The following PTPRJ variants were observed in gnomAD, a reference collection of about 807,000 sequenced individuals.
PTPRJ encodes the protein protein tyrosine phosphatase receptor type J, also known as receptor-type tyrosine-protein phosphatase eta.
PTPRJ carries 129 observed loss-of-function variants against 141.3 expected under a neutral mutation model. The ratio of observed to expected loss-of-function variants is 0.91; its 90% confidence interval spans 0.79 to 1.06. The LOEUF (loss-of-function observed/expected upper bound fraction) is 1.06. Among genes scored for constraint, PTPRJ ranks in the 50% least tolerant of loss-of-function variants. The pLI, the probability that PTPRJ is intolerant of heterozygous loss-of-function variation, is 0.00. For synonymous variants in PTPRJ, 610 were observed against 640.5 expected, an observed-to-expected ratio of 0.95 and a Z score of 0.72; for missense variants, 1,601 against 1,679.7, an observed-to-expected ratio of 0.95 and a Z score of 0.82.
chr11:48,167,129 T>C, intron 24 of PTPRJ, 75 bp from the exon 25 acceptor site: 2 of 1,440,630 alleles, frequency 1.4e-6, no homozygotes, highest in Non-Finnish European at 1.9e-6. Context: ...GAATGACCTG[T>C]TTGAAAATAA....
chr11:48,123,855 A>G lies in PTPRJ; in HGVS notation c.859A>G (p.Thr287Ala). ...SNKTKGDPLG[T>A]EGGLDASNTE... ...TAAGACAAAGGGAGACCCCTTGGGC[A>G]CAGAAGGTGGCTTGGGTGAGTTACA... is the stretch of plus-strand genomic sequence containing the variant. Residue 287 changes from threonine (T) to alanine (A), a missense_variant, in exon 5 of 25, where the codon ACA (threonine) becomes GCA (alanine). Thr to Ala is a moderately conservative substitution (Grantham distance 58). Coordinates refer to ENST00000418331, the MANE Select transcript of PTPRJ (RefSeq NM_002843.4). The G allele has an allele frequency of 6.2e-7, 1 of 1,614,004 alleles. No homozygotes were observed. Among genetic ancestry groups the G allele is most frequent in the Non-Finnish European group, 8.5e-7 (1 of 1,179,898 alleles).
At chr11:47,990,152 C>A (rs951323878) in intron 1 of PTPRJ, among the ~76,000 whole-genome samples, 1 of 152,048 alleles carries the variant, frequency 6.6e-6, no homozygotes, top group African/African-American at 2.4e-5. Context: ...TCTCAAAAAA[C>A]AAACAAACAA....
chr11:48,062,119 T>C (rs1252535676), intron 1 of PTPRJ, among the ~76,000 whole-genome samples: 1 of 151,450 alleles, frequency 6.6e-6, no homozygotes, highest in Non-Finnish European at 1.5e-5. Context: ...GGCTGGTTTC[T>C]AACTCCTGGA....
chr11:48,083,747 A>G (rs781491685), intron 1 of PTPRJ, among the ~76,000 whole-genome samples: 3 of 152,218 alleles, frequency 2.0e-5, no homozygotes, highest in Non-Finnish European at 4.4e-5. Context: ...TACCCAGTAA[A>G]TATTTGTGGA....
At chr11:48,029,909 C>T (rs1450986357) in intron 1 of PTPRJ, among the ~76,000 whole-genome samples, 1 of 152,166 alleles carries the variant, frequency 6.6e-6, no homozygotes, top group Non-Finnish European at 1.5e-5. Context: ...CATGTAGGAA[C>T]CTTAGCTTGC....
chr11:48,030,352 G>C (rs1333215810), intron 1 of PTPRJ, among the ~76,000 whole-genome samples: 1 of 152,172 alleles, frequency 6.6e-6, no homozygotes, highest in African/African-American at 2.4e-5. Context: ...AGGGCTCTTA[G>C]AGGCCCCAGG....
intron 1 of PTPRJ, among the ~76,000 whole-genome samples, chr11:48,011,786 C>G (rs1854797235): frequency 6.6e-6 from 1 of 152,062 alleles, no homozygotes; most frequent in South Asian, 2.1e-4. Flanking sequence ...CTCAGCCTTC[C>G]AAGTATCTGG....
chr11:48,077,956 G>A (rs1855451353), intron 1 of PTPRJ, among the ~76,000 whole-genome samples: 1 of 152,188 alleles, frequency 6.6e-6, no homozygotes, highest in Admixed American at 6.5e-5. Flanking sequence ...ATAAACAGAT[G>A]CTATAGGAAT....
intron 11 of PTPRJ, among the ~76,000 whole-genome samples, chr11:48,142,522 A>G (rs1857255483): frequency 6.6e-6 from 1 of 152,062 alleles, no homozygotes; most frequent in Non-Finnish European, 1.5e-5. Flanking sequence ...TCTTTATTTT[A>G]TCGATGTTTT....
chr11:48,109,542 A>G (rs988907686), intron 1 of PTPRJ, among the ~76,000 whole-genome samples: 6 of 152,160 alleles, frequency 3.9e-5, no homozygotes, highest in Admixed American at 1.3e-4. Flanking sequence ...AAAGAAGAAG[A>G]TGAATTTTTG....
chr11:48,170,123 A>G lies in PTPRJ; in HGVS notation c.*2761A>G, dbSNP rs4752912. 149,555 of 152,264 alleles carry G rather than the reference A, an allele frequency of 0.98. 73,510 individuals carry two copies. The highest frequency in any genetic ancestry group is 1 in the Middle Eastern group (296 of 296). 9.4% of individuals were successfully genotyped at this position (152,264 alleles called of 1,614,324 possible). A position where few individuals can be genotyped will look rare whatever the true frequency, so the allele number is the denominator to read the frequency against. On this transcript the variant is annotated 3_prime_UTR_variant, in exon 25 of 25. Transcript: ENST00000418331. ...GTGGAATCGGGGGGATGGTGTGAGC[A>G]CCCCTGTTCAGTCTTTGACAATTGC... is the stretch of plus-strand genomic sequence containing the variant.
intron 1 of PTPRJ, among the ~76,000 whole-genome samples, chr11:47,994,286 G>C (rs1854273850): frequency 6.6e-6 from 1 of 151,824 alleles, no homozygotes; most frequent in South Asian, 2.1e-4. Flanking sequence ...CTTTTTAAAT[G>C]CATGTTCTGT....
Position 48,071,564 on chromosome 11 carries a change from T to C in PTPRJ, c.97-38494T>C, listed in dbSNP as rs1412782902. On this transcript the variant is annotated intron_variant, in intron 1 of 24. Transcript: ENST00000418331. ...ACCTCGTGATCCTCCCGCCTCGGCC[T>C]CCCAAAGTGCTGGGATTACAGGTGT... Among the ~76,000 whole-genome samples the C allele has an allele frequency of 2.1e-5, 3 of 143,378 alleles. No homozygotes were observed. In the Admixed American group the frequency reaches 2.2e-4, roughly 11 times the overall value. 94.1% of individuals were successfully genotyped at this position (143,378 alleles called of 152,430 possible). A position where few individuals can be genotyped will look rare whatever the true frequency, so the allele number is the denominator to read the frequency against.
chr11:48,061,223 A>G (rs780868550), intron 1 of PTPRJ, among the ~76,000 whole-genome samples: 6 of 151,982 alleles, frequency 3.9e-5, no homozygotes, highest in Non-Finnish European at 5.9e-5. Context: ...TGATCCGCCT[A>G]CCTCGGCCTC....
chr11:48,150,942 T>A (rs1191777670), intron 18 of PTPRJ, among the ~76,000 whole-genome samples: 1 of 152,246 alleles, frequency 6.6e-6, no homozygotes, highest in Non-Finnish European at 1.5e-5. Context: ...TTCTGTGTGC[T>A]CAGACTGCCT....
At position 48,112,899 on chromosome 11, in the gene PTPRJ, T is replaced by TCA. The variant is rs1856476639; in HGVS notation, c.269_270insAC (p.Gly91LeufsTer7). 1 of 1,614,006 alleles carries TCA rather than the reference T, an allele frequency of 6.2e-7. No homozygotes were observed. The highest frequency in any genetic ancestry group is 1.3e-5 in the African/African-American group (1 of 74,896). On this transcript the variant is annotated frameshift_variant, in exon 3 of 25. Transcript: ENST00000418331. LOFTEE classifies it high-confidence loss of function. ...AAACACCAGTGAGGATGGTGAAAGC[T>TCA]CTGGAGCCAACGATAGTTTAAGAAC...
chr11:48,041,260 G>A (rs958049931), intron 1 of PTPRJ, among the ~76,000 whole-genome samples: 1 of 152,164 alleles, frequency 6.6e-6, no homozygotes, highest in African/African-American at 2.4e-5. Flanking sequence ...TGTGTGGAAT[G>A]AAGGATTCGT....
chr11:48,052,463 A>C (rs1327052527), intron 1 of PTPRJ, among the ~76,000 whole-genome samples: 1 of 152,176 alleles, frequency 6.6e-6, no homozygotes, highest in Non-Finnish European at 1.5e-5. Flanking sequence ...GCAGGCCCTC[A>C]ACATTCCAGC....
At chr11:48,142,496 T>C (rs565113255) in intron 11 of PTPRJ, among the ~76,000 whole-genome samples, 25 of 147,318 alleles carry the variant, frequency 1.7e-4, no homozygotes, top group African/African-American at 6.5e-4. Context: ...TTGCATGTAT[T>C]TGTGTATTTG....
Sources: allele counts gnomAD v4.1 joint callset (sites outside exome capture counted in the v4.1 genomes callset), GRCh38; gene constraint gnomAD v4.1.1; transcripts MANE v1.5; gene names NCBI Gene and HGNC (gene_info 2026-07-23, HGNC 2026-07-21).